NCKAP5: variants seen among roughly 807,000 people sequenced by gnomAD.
NCKAP5 encodes nck-associated protein 5.
A neutral mutation model predicts 167.0 loss-of-function variants in NCKAP5; 92 were observed. The ratio of observed to expected loss-of-function variants is 0.55; its 90% confidence interval spans 0.47 to 0.66. The LOEUF is 0.66. Ranked by LOEUF, NCKAP5 falls within the 30% of genes least tolerant of loss-of-function variation. The probability of loss-of-function intolerance (pLI) is 0.00; values close to 1 mark genes in which losing one functional copy is unlikely to be tolerated. For missense variants in NCKAP5, 2,378 were observed against 2,315.0 expected (o/e 1.03, Z -0.56); for synonymous variants, 891 against 877.4 (o/e 1.02, Z -0.27).
intron 16 of NCKAP5, among the ~76,000 whole-genome samples, chr2:132,771,380 C>G (rs10204422): frequency 0.28 from 42,199 of 152,070 alleles, 6,068 homozygotes; most frequent in Middle Eastern, 0.31. Context: ...TTGTGCAGCT[C>G]TACAATGTGT....
intron 4 of NCKAP5, among the ~76,000 whole-genome samples, chr2:133,257,793 T>C (rs187657307): frequency 6.6e-6 from 1 of 152,250 alleles, no homozygotes; most frequent in East Asian, 1.9e-4. Context: ...AATCTTTGCA[T>C]AGAAATGAAT....
At chr2:132,692,108 GATTTTATTTTATTTT>G (rs5834326) in intron 19 of NCKAP5, among the ~76,000 whole-genome samples, 21,000 of 136,584 alleles carry the variant, frequency 0.15, 2,462 homozygotes, top group African/African-American at 0.34. Flanking sequence ...AAGCCTGCTT[GATTTTATTTTATTTT>G]ATTTTATTTT....
In NCKAP5 at chr2:132,728,896, A is replaced by C. The variant is rs778834025; in HGVS notation, c.5500T>G (p.Ser1834Ala). Reference sequence around the variant, plus strand: ...ATTGGGTCTTCAGCATATCCGAATGATGAGCATGTCTGAGGCCTTGGCTCT... The same window carrying C: ...ATTGGGTCTTCAGCATATCCGAATGCTGAGCATGTCTGAGGCCTTGGCTCT... ...EAEPRPQTCS[S>A]FGYAEDPMAS... Residue 1834 changes from serine to alanine, a missense_variant, in exon 18 of 20, where the codon TCA becomes GCA. This residue lies in a region of NCKAP5 where 1,325 missense variants were observed against 1,274.5 expected (regional missense o/e 1.04). Transcript: ENST00000409261. 9 of 1,613,882 alleles carry C rather than the reference A, an allele frequency of 5.6e-6. No homozygotes were observed. In the Admixed American group the frequency reaches 1.5e-4, roughly 27 times the overall value.
chr2:132,717,364 G>T (rs958617839), intron 19 of NCKAP5, among the ~76,000 whole-genome samples: 4 of 152,168 alleles, frequency 2.6e-5, no homozygotes, highest in Non-Finnish European at 5.9e-5. Flanking sequence ...TGATTATAAC[G>T]AGTTTGGATT....
intron 8 of NCKAP5, among the ~76,000 whole-genome samples, chr2:132,881,554 CTTTTTT>C (rs35545031): frequency 7.9e-6 from 1 of 126,388 alleles, no homozygotes; most frequent in African/African-American, 3.1e-5. Flanking sequence ...CCTTACCTTT[CTTTTTT>C]TTTTTTTTTT....
chr2:132,732,991 G>A (rs778109592), intron 16 of NCKAP5, among the ~76,000 whole-genome samples: 1 of 152,132 alleles, frequency 6.6e-6, no homozygotes. Flanking sequence ...CATCAATAAC[G>A]CTTTGGATTT....
At position 133,078,808 on chromosome 2, in the gene NCKAP5, G is replaced by A. The variant is rs1045511086; in HGVS notation, c.341+51170C>T. Among the ~76,000 whole-genome samples, 17 of 151,996 alleles carry A rather than the reference G, an allele frequency of 1.1e-4. 1 individual carries two copies. The highest frequency in any genetic ancestry group is 4.2e-4 in the South Asian group (2 of 4,804). On this transcript the variant is annotated intron_variant, in intron 6 of 19. Transcript: ENST00000409261. ...CTATGAAGCACTATAGGATGTGTTC[G>A]GTATCTCAGCAACAAGAGATGCCTT...
chr2:133,289,018 C>A (rs1210956247), intron 4 of NCKAP5, among the ~76,000 whole-genome samples: 1 of 152,190 alleles, frequency 6.6e-6, no homozygotes, highest in Non-Finnish European at 1.5e-5. Flanking sequence ...ATGACTTTTG[C>A]AAGACCACAG....
intron 6 of NCKAP5, among the ~76,000 whole-genome samples, chr2:133,085,235 C>T (rs1339427463): frequency 6.6e-6 from 1 of 152,058 alleles, no homozygotes; most frequent in Non-Finnish European, 1.5e-5. Context: ...TAAGAAGTCC[C>T]CAAAGTGTGT....
intron 8 of NCKAP5, among the ~76,000 whole-genome samples, chr2:132,893,000 A>G (rs1425942564): frequency 1.3e-3 from 89 of 68,656 alleles, no homozygotes; most frequent in Non-Finnish European, 2.4e-3. Flanking sequence ...AAAAGCTGAA[A>G]AAAAAAAAAA....
intron 8 of NCKAP5, among the ~76,000 whole-genome samples, chr2:132,882,644 T>G (rs1691855508): frequency 6.6e-6 from 1 of 152,222 alleles, no homozygotes; most frequent in African/African-American, 2.4e-5. Flanking sequence ...GTGTTTATAT[T>G]ATTCATTTGA....
At chr2:133,564,686 G>C (rs1313690207) in intron 1 of NCKAP5, among the ~76,000 whole-genome samples, 1 of 152,158 alleles carries the variant, frequency 6.6e-6, no homozygotes, top group Admixed American at 6.5e-5. Flanking sequence ...AACGTGGAAG[G>C]ATTTCAGAAT....
Position 133,415,872 on chromosome 2 carries a change from T to C in NCKAP5, c.69+101586A>G, listed in dbSNP as rs568497104. Among the ~76,000 whole-genome samples the C allele has an allele frequency of 2.0e-5, 3 of 152,368 alleles. No individual in the cohort carries two copies. The East Asian group carries it at 5.8e-4, about 29-fold the overall frequency. ...GAATAGCTGTAGAGTTACAGATATA[T>C]GGACAGAGATCAAATGCGGTTTTGA... On this transcript the variant is annotated intron_variant, in intron 3 of 19. Transcript: ENST00000409261.
chr2:132,956,107 A>C (rs2064934201), intron 8 of NCKAP5, among the ~76,000 whole-genome samples: 1 of 152,212 alleles, frequency 6.6e-6, no homozygotes, highest in African/African-American at 2.4e-5. Context: ...TCACCACAAA[A>C]AATGTTAAGT....
intron 19 of NCKAP5, among the ~76,000 whole-genome samples, chr2:132,714,695 T>C (rs1285547893): frequency 6.6e-6 from 1 of 151,480 alleles, no homozygotes; most frequent in Non-Finnish European, 1.5e-5. Flanking sequence ...CGCATGCCTC[T>C]AATCCCAGCT....
At chr2:132,947,500 A>T (rs1213585594) in intron 8 of NCKAP5, among the ~76,000 whole-genome samples, 2 of 152,206 alleles carry the variant, frequency 1.3e-5, no homozygotes, top group Non-Finnish European at 2.9e-5. Flanking sequence ...AATTCCCTGC[A>T]GCTAAAGAAT....
At chr2:132,946,631 T>A (rs989563310) in intron 8 of NCKAP5, among the ~76,000 whole-genome samples, 5 of 152,194 alleles carry the variant, frequency 3.3e-5, no homozygotes, top group Admixed American at 1.3e-4. Context: ...GTGCTGTGGC[T>A]CACACCGGTA....
chr2:133,475,257 T>C (rs1383969643), intron 3 of NCKAP5, among the ~76,000 whole-genome samples: 1 of 152,196 alleles, frequency 6.6e-6, no homozygotes, highest in East Asian at 1.9e-4. Flanking sequence ...ATAGTGCTAC[T>C]CCTTATTCAA....
intron 7 of NCKAP5, 59 bp downstream of exon 7, chr2:132,994,093 A>G: frequency 1.6e-6 from 2 of 1,278,242 alleles, no homozygotes; most frequent in Admixed American, 2.4e-5. Context: ...ACAAACCTAG[A>G]GAAATACAAG....
Sources: gnomAD v4.1 joint callset for allele counts (sites outside exome capture counted in the v4.1 genomes callset) on GRCh38, gnomAD v4.1.1 for gene constraint, gnomAD v4.1.1 regional missense constraint, MANE v1.5 for transcripts, NCBI Gene and HGNC (gene_info 2026-07-23, HGNC 2026-07-21) for gene names.